CYP11A1: variants seen among roughly 807,000 people sequenced by gnomAD.
CYP11A1 encodes cytochrome P450 family 11 subfamily A member 1.
Under a neutral mutation model 51.9 loss-of-function variants are expected in CYP11A1, and 25 were observed. That is an observed-to-expected ratio of 0.48 (90% confidence interval 0.35 to 0.67). The LOEUF (loss-of-function observed/expected upper bound fraction) is 0.67, where lower values mean the gene tolerates loss of function less well. Ranked by LOEUF, CYP11A1 falls within the 30% of genes least tolerant of loss-of-function variation. The pLI, the probability that CYP11A1 is intolerant of heterozygous loss-of-function variation, is 0.00. For missense variants in CYP11A1, 578 were observed against 680.9 expected, an observed-to-expected ratio of 0.85 and a Z score of 1.68; for synonymous variants, 245 against 262.1, an observed-to-expected ratio of 0.93 and a Z score of 0.63.
intron 1 of CYP11A1, among the ~76,000 whole-genome samples, chr15:74,356,121 C>T (rs886565072): frequency 8.5e-5 from 13 of 152,242 alleles, no homozygotes; most frequent in Non-Finnish European, 1.9e-4. Flanking sequence ...CCAGCCGCAT[C>T]TCCAGCATAC....
At position 74,339,217 on chromosome 15, in the gene CYP11A1, AGCCTGCT is replaced by A; in HGVS notation, c.1236+13_1236+19del. 6.2e-7 allele frequency: 1 copy of A among 1,605,354 alleles called. No homozygotes were observed. The highest frequency in any genetic ancestry group is 2.2e-5 in the East Asian group (1 of 44,840). On this transcript the variant is annotated intron_variant, in intron 7 of 8. Transcript: ENST00000268053. Reference sequence around the variant, plus strand: ...GCCCTCTCTGACTGGCAGAGCCTGCAGCCTGCTGGCTGCACCTACCTTGGCAGGAATC... The same window carrying A: ...GCCCTCTCTGACTGGCAGAGCCTGCAGGCTGCACCTACCTTGGCAGGAATC...
At chr15:74,352,697 G>C (rs1489862344) in intron 1 of CYP11A1, among the ~76,000 whole-genome samples, 1 of 152,136 alleles carries the variant, frequency 6.6e-6, no homozygotes, top group Non-Finnish European at 1.5e-5. Flanking sequence ...AAACTCAAAA[G>C]AATGTAAACA....
At position 74,367,573 on chromosome 15, in the gene CYP11A1, C is replaced by A; in HGVS notation, c.13G>T (p.Gly5Cys). ...ACCAGGACTGAGCGTGGGGGAAGAC[C>A]CTTGGCCAGCATGCTGTCCCCACAG... is the stretch of plus-strand genomic sequence containing the variant. MLAK[G>C]LPPRSVLVKG... Residue 5 changes from glycine to cysteine, a missense_variant, in exon 1 of 9, where the codon GGT (glycine) becomes TGT (cysteine). Physicochemically the swap from Gly to Cys is radical, Grantham distance 159. Coordinates refer to ENST00000268053, the MANE Select transcript of CYP11A1 (RefSeq NM_000781.3). 1 of 1,613,774 alleles carries A rather than the reference C, an allele frequency of 6.2e-7. No individual in the cohort carries two copies. Among genetic ancestry groups the A allele is most frequent in the Non-Finnish European group, 8.5e-7 (1 of 1,179,970 alleles).
chr15:74,343,242 G>A (rs2060616135), intron 4 of CYP11A1, 105 bp from the exon 5 acceptor site: 3 of 1,184,078 alleles, frequency 2.5e-6, no homozygotes, highest in Middle Eastern at 2.7e-4. Context: ...GGATTCCGGA[G>A]CCCTGTGCTT....
Position 74,338,630 on chromosome 15 carries a change from C to T in CYP11A1, c.1375G>A (p.Val459Met). The T allele has an allele frequency of 1.9e-6, 3 of 1,614,194 alleles. No homozygotes were observed. In the South Asian group the frequency reaches 3.3e-5, roughly 18 times the overall value. The change falls in exon 8 of 9, where the codon GTG becomes ATG. Residue 459 changes from valine to methionine, a missense_variant. Val to Met is a conservative substitution (Grantham distance 21). Transcript: ENST00000268053. ...YFRNLGFGWG[V>M]RQCLGRRIAE... The stretch of plus-strand genomic sequence containing the variant: ...ATCCGCCGTCCCAGACACTGCCGCA[C>T]ACCCCAGCCAAAGCCCAAGTTCCGG...
intron 7 of CYP11A1, 98 bp downstream of exon 7, chr15:74,339,139 G>T: frequency 9.9e-7 from 1 of 1,005,196 alleles, no homozygotes; most frequent in East Asian, 2.4e-5. Flanking sequence ...TGCCATCAAG[G>T]GCCCCACCAG....
chr15:74,342,906 C>G, intron 5 of CYP11A1, 71 bp downstream of exon 5: 1 of 1,523,172 alleles, frequency 6.6e-7, no homozygotes, highest in Non-Finnish European at 9.1e-7. Flanking sequence ...TTTCAGACAA[C>G]GAGGGGCCTG....
intron 1 of CYP11A1, among the ~76,000 whole-genome samples, chr15:74,356,816 T>C (rs1044476348): frequency 7.2e-5 from 11 of 152,102 alleles, no homozygotes; most frequent in Admixed American, 3.3e-4. Context: ...CCCACCTTAA[T>C]CCACACATAT....
chr15:74,351,429 T>G (rs1415411283), intron 1 of CYP11A1, among the ~76,000 whole-genome samples: 1 of 152,190 alleles, frequency 6.6e-6, no homozygotes, highest in Non-Finnish European at 1.5e-5. Flanking sequence ...TATGCTAAAT[T>G]CTTCCCTTAT....
At chr15:74,340,327 G>A (rs768939066) in intron 5 of CYP11A1, among the ~76,000 whole-genome samples, 7 of 152,280 alleles carry the variant, frequency 4.6e-5, no homozygotes, top group Middle Eastern at 3.4e-3. Context: ...TAATCTCAAC[G>A]TAAGCCAGAG....
intron 1 of CYP11A1, chr15:74,354,666 T>A (rs1200909329): frequency 6.3e-6 from 1 of 157,536 alleles, no homozygotes; most frequent in Non-Finnish European, 1.4e-5. Flanking sequence ...CCAAGGAACA[T>A]CCCACCAATT....
intron 1 of CYP11A1, chr15:74,366,986 G>A (rs1046213146): frequency 2.7e-6 from 1 of 375,224 alleles, no homozygotes; most frequent in South Asian, 2.5e-5. Flanking sequence ...AAAGTGCTGG[G>A]ATTATGGGTG....
chr15:74,354,097 G>C (rs1429427941), intron 1 of CYP11A1, among the ~76,000 whole-genome samples: 1 of 152,118 alleles, frequency 6.6e-6, no homozygotes, highest in African/African-American at 2.4e-5. Flanking sequence ...CAATGTGTTT[G>C]TTTGCATACA....
rs184471818 is a variant in CYP11A1 at position 74,352,504 on chromosome 15, T to C, written c.270-4449A>G. ...CAGGCTGGTCTTGAACTCTTGACCT[T>C]GTGATCTGCCTGCCTCAGCCTCCCA... On this transcript the variant is annotated intron_variant, in intron 1 of 8. Coordinates refer to ENST00000268053, the MANE Select transcript of CYP11A1 (RefSeq NM_000781.3). Among the ~76,000 whole-genome samples the C allele has an allele frequency of 4.6e-4, 70 of 152,196 alleles. 1 individual carries two copies. The highest frequency in any genetic ancestry group is 1.6e-3 in the African/African-American group (67 of 41,542).
intron 2 of CYP11A1, among the ~76,000 whole-genome samples, chr15:74,347,226 T>A (rs1434886127): frequency 6.6e-6 from 1 of 152,044 alleles, no homozygotes; most frequent in Non-Finnish European, 1.5e-5. Context: ...CTGGGCAACA[T>A]GGCAAAATCT....
In CYP11A1 at chr15:74,343,945, C is replaced by A. The variant is rs747462416; in HGVS notation, c.673G>T (p.Val225Leu). 2 of 1,614,046 alleles carry A rather than the reference C, an allele frequency of 1.2e-6. No homozygotes were observed. Among genetic ancestry groups the A allele is most frequent in the African/African-American group, 1.3e-5 (1 of 74,918 alleles). ...FGERQGMLEE[V>L]VNPEAQRFID... ...AATCGCTGGGCCTCGGGGTTCACTA[C>A]TTCCTCCAGCATCCCCTGGCGCTCC... is the stretch of plus-strand genomic sequence containing the variant. The change falls in exon 4 of 9, where the codon GTA (valine) becomes TTA (leucine). Residue 225 changes from valine (V) to leucine (L), a missense_variant. Transcript: ENST00000268053.
In CYP11A1 at chr15:74,338,723, AGGT is replaced by A; in HGVS notation, c.1279_1281del (p.Thr427del). 1 of 1,614,200 alleles carries A rather than the reference AGGT, an allele frequency of 6.2e-7. No homozygotes were observed. The highest frequency in any genetic ancestry group is 1.1e-5 in the South Asian group (1 of 91,084). On this transcript the variant is annotated inframe_deletion, in exon 8 of 9. Coordinates refer to ENST00000268053, the MANE Select transcript of CYP11A1 (RefSeq NM_000781.3). The stretch of plus-strand genomic sequence containing the variant: ...TCAAAATTTTCCGGGTCGAAGAAGA[AGGT>A]GGGCTCTCGGCCCAGAGCATAGATG...
chr15:74,340,017 C>T (rs1326083507), intron 5 of CYP11A1, among the ~76,000 whole-genome samples: 1 of 152,218 alleles, frequency 6.6e-6, no homozygotes, highest in Non-Finnish European at 1.5e-5. Context: ...CACCAAAAAC[C>T]CACCCATGTC....
chr15:74,343,108 C>T lies in CYP11A1; in HGVS notation c.859G>A (p.Glu287Lys). ...ADIYTQNFYW[E>K]LRQKGSVHHD... ...TGAACACTTCCTTTCTGTCTCAATT[C>T]CCAGTAGAAGTTCTGGGTGTATATG... The change falls in exon 5 of 9, where the codon GAA (glutamate) becomes AAA (lysine). Residue 287 changes from glutamate to lysine, a missense_variant. By Grantham distance (56) the Glu-to-Lys change is moderately conservative. Coordinates refer to ENST00000268053, the MANE Select transcript of CYP11A1 (RefSeq NM_000781.3). 1 of 1,613,880 alleles carries T rather than the reference C, an allele frequency of 6.2e-7. No individual in the cohort carries two copies. Among genetic ancestry groups the T allele is most frequent in the Non-Finnish European group, 8.5e-7 (1 of 1,180,018 alleles).
Sources: gnomAD v4.1 joint callset for allele counts (sites outside exome capture counted in the v4.1 genomes callset) on GRCh38, gnomAD v4.1.1 for gene constraint, MANE v1.5 for transcripts, NCBI Gene and HGNC (gene_info 2026-07-23, HGNC 2026-07-21) for gene names.